SSBP2: variants seen among roughly 807,000 people sequenced by gnomAD.
SSBP2 encodes the protein single-stranded DNA-binding protein 2.
In SSBP2, 17 loss-of-function variants were observed where a neutral mutation model predicts 61.8. The observed-to-expected ratio is 0.28, with a 90% CI of 0.19 to 0.41. The LOEUF is 0.41. Ranked by LOEUF, SSBP2 falls within the 10% of genes least tolerant of loss-of-function variation. The pLI is 1.00. For synonymous variants in SSBP2, 139 were observed against 141.3 expected, an observed-to-expected ratio of 0.98 and a Z score of 0.12; for missense variants, 310 against 458.7, an observed-to-expected ratio of 0.68 and a Z score of 2.96.
intron 1 of SSBP2, among the ~76,000 whole-genome samples, chr5:81,729,021 A>G (rs1756080643): frequency 6.6e-6 from 1 of 152,222 alleles, no homozygotes; most frequent in African/African-American, 2.4e-5. Context: ...ATGATAGGTA[A>G]GAGAGGTGAT....
chr5:81,724,861 C>G (rs1323825538), intron 1 of SSBP2, among the ~76,000 whole-genome samples: 3 of 152,074 alleles, frequency 2.0e-5, no homozygotes, highest in East Asian at 1.9e-4. Context: ...CAAATTATAA[C>G]AACATCTAAA....
chr5:81,681,870 A>G (rs1752413592), intron 1 of SSBP2, among the ~76,000 whole-genome samples: 1 of 152,144 alleles, frequency 6.6e-6, no homozygotes, highest in Non-Finnish European at 1.5e-5. Flanking sequence ...AATATCTGAA[A>G]TGAAAGATAA....
chr5:81,623,487 C>T (rs1746832329), intron 3 of SSBP2, among the ~76,000 whole-genome samples: 1 of 152,164 alleles, frequency 6.6e-6, no homozygotes, highest in Admixed American at 6.5e-5. Context: ...AGGCGCCCGC[C>T]ACCGCGCCCA....
At chr5:81,650,397 T>G in intron 1 of SSBP2, 58 bp from the exon 2 acceptor site, 1 of 1,213,932 alleles carries the variant, frequency 8.2e-7, no homozygotes, top group South Asian at 1.5e-5. Flanking sequence ...ATTCTTTAAA[T>G]AATGCACATC....
intron 4 of SSBP2, among the ~76,000 whole-genome samples, chr5:81,550,404 T>C (rs993594070): frequency 6.6e-6 from 1 of 152,216 alleles, no homozygotes; most frequent in Non-Finnish European, 1.5e-5. Context: ...CAGCTAGATG[T>C]TGAATAAATA....
At chr5:81,626,794 C>G (rs1220738631) in intron 3 of SSBP2, among the ~76,000 whole-genome samples, 1 of 152,114 alleles carries the variant, frequency 6.6e-6, no homozygotes, top group Non-Finnish European at 1.5e-5. Context: ...CTGGAATTAG[C>G]CACTCACAAT....
chr5:81,467,404 A>C (rs1764962008), intron 8 of SSBP2, among the ~76,000 whole-genome samples: 2 of 152,058 alleles, frequency 1.3e-5, no homozygotes, highest in Non-Finnish European at 2.9e-5. Flanking sequence ...AGAGTGATTC[A>C]ATGTTTGAAA....
intron 4 of SSBP2, among the ~76,000 whole-genome samples, chr5:81,598,127 C>A (rs962745853): frequency 6.6e-6 from 1 of 151,980 alleles, no homozygotes; most frequent in South Asian, 2.1e-4. Flanking sequence ...ACAGATCCAA[C>A]TTACTCAGAA....
intron 1 of SSBP2, among the ~76,000 whole-genome samples, chr5:81,655,781 G>A (rs1466830635): frequency 6.6e-6 from 1 of 152,154 alleles, no homozygotes; most frequent in African/African-American, 2.4e-5. Flanking sequence ...ACTCACAAAT[G>A]CAGAGGGAGG....
At chr5:81,691,432 T>A (rs971478768) in intron 1 of SSBP2, among the ~76,000 whole-genome samples, 2 of 151,952 alleles carry the variant, frequency 1.3e-5, no homozygotes, top group African/African-American at 4.8e-5. Flanking sequence ...TATGAGCAAC[T>A]ACATGCCAAT....
chr5:81,595,542 A>T (rs2153535705), intron 4 of SSBP2, among the ~76,000 whole-genome samples: 1 of 152,342 alleles, frequency 6.6e-6, no homozygotes, highest in East Asian at 1.9e-4. Flanking sequence ...CAACCAAAAA[A>T]GAGAATTTTA....
chr5:81,746,296 T>G (rs535559784), intron 1 of SSBP2, among the ~76,000 whole-genome samples: 8 of 152,092 alleles, frequency 5.3e-5, no homozygotes, highest in Non-Finnish European at 1.0e-4. Flanking sequence ...GTTAAACAAC[T>G]TGTATTTTGG....
At chr5:81,676,775 G>C (rs551180566) in intron 1 of SSBP2, among the ~76,000 whole-genome samples, 3 of 151,972 alleles carry the variant, frequency 2.0e-5, no homozygotes, top group Non-Finnish European at 4.4e-5. Flanking sequence ...ATAGTAGCTA[G>C]TTATTTTAGA....
At chr5:81,543,964 C>T (rs748800625) in intron 4 of SSBP2, among the ~76,000 whole-genome samples, 1 of 152,118 alleles carries the variant, frequency 6.6e-6, no homozygotes, top group African/African-American at 2.4e-5. Context: ...AAACAATAAT[C>T]TACTTATATG....
At chr5:81,598,420 T>C (rs759317576) in intron 4 of SSBP2, among the ~76,000 whole-genome samples, 59 of 150,972 alleles carry the variant, frequency 3.9e-4, no homozygotes, top group African/African-American at 1.4e-3. Context: ...TCAAATATCA[T>C]GGAGAAGAGA....
chr5:81,607,797 A>G (rs1431575538), intron 4 of SSBP2, among the ~76,000 whole-genome samples: 3 of 152,188 alleles, frequency 2.0e-5, no homozygotes, highest in African/African-American at 7.2e-5. Flanking sequence ...AACCACAAAC[A>G]GCTTTTGAAT....
chr5:81,693,181 C>T (rs1473792948), intron 1 of SSBP2, among the ~76,000 whole-genome samples: 8 of 131,476 alleles, frequency 6.1e-5, no homozygotes, highest in Non-Finnish European at 1.1e-4. Context: ...TCCAGCCTGG[C>T]GATGGAGCAA....
intron 4 of SSBP2, among the ~76,000 whole-genome samples, chr5:81,614,543 T>A (rs1267545503): frequency 6.6e-6 from 1 of 152,096 alleles, no homozygotes; most frequent in East Asian, 1.9e-4. Context: ...TTTTTTCCCT[T>A]TTGAGCGCTG....
intron 1 of SSBP2, among the ~76,000 whole-genome samples, chr5:81,675,298 T>A (rs1360043201): frequency 6.6e-6 from 1 of 152,142 alleles, no homozygotes; most frequent in Non-Finnish European, 1.5e-5. Flanking sequence ...TCATCTCCCT[T>A]AAAACTGGGT....
Sources: allele counts gnomAD v4.1 joint callset (sites outside exome capture counted in the v4.1 genomes callset), GRCh38; gene constraint gnomAD v4.1.1; transcripts MANE v1.5; gene names NCBI Gene and HGNC (gene_info 2026-07-23, HGNC 2026-07-21).